ITPKB: variants seen among roughly 807,000 people sequenced by gnomAD.
ITPKB encodes the protein inositol-trisphosphate 3-kinase B.
A neutral mutation model predicts 69.4 loss-of-function variants in ITPKB; 13 were observed. The observed-to-expected ratio is 0.19, with a 90% CI of 0.12 to 0.30. The LOEUF is 0.30. ITPKB is among the 10% of genes least tolerant of loss of function. The probability of loss-of-function intolerance (pLI) is 1.00; values close to 1 mark genes in which losing one functional copy is unlikely to be tolerated. For missense variants in ITPKB, 1,240 were observed against 1,250.5 expected (o/e 0.99, Z 0.13); for synonymous variants, 584 against 513.7 (o/e 1.14, Z -1.85).
intron 2 of ITPKB, among the ~76,000 whole-genome samples, chr1:226,725,654 C>A (rs139647655): frequency 6.6e-6 from 1 of 152,226 alleles, no homozygotes; most frequent in African/African-American, 2.4e-5. Context: ...AGCATGAGAC[C>A]CCTGCTTTGG....
intron 2 of ITPKB, among the ~76,000 whole-genome samples, chr1:226,660,215 T>A (rs1043193686): frequency 1.3e-5 from 2 of 152,232 alleles, no homozygotes. Flanking sequence ...CAATCTGTGA[T>A]GCCCTTGCTG....
intron 2 of ITPKB, among the ~76,000 whole-genome samples, chr1:226,704,210 A>G (rs1018439632): frequency 6.6e-6 from 1 of 152,212 alleles, no homozygotes; most frequent in Non-Finnish European, 1.5e-5. Context: ...AAGAATATAA[A>G]CATTAATAGT....
At chr1:226,719,652 A>G (rs1237433560) in intron 2 of ITPKB, among the ~76,000 whole-genome samples, 1 of 152,230 alleles carries the variant, frequency 6.6e-6, no homozygotes, top group Non-Finnish European at 1.5e-5. Context: ...TTAGGTGCTG[A>G]CATTATAAGC....
rs17522524 is a variant in ITPKB, at chr1:226,642,289, T to C, written c.2247-164A>G. Among the ~76,000 whole-genome samples, 13,962 of 151,898 alleles carry C rather than the reference T, an allele frequency of 0.092. 721 individuals are homozygous for C. The highest frequency in any genetic ancestry group is 0.16 in the East Asian group (808 of 5,160). On this transcript the variant is annotated intron_variant, in intron 4 of 7. Transcript: ENST00000429204. This position sits in a 1 kb window ranked among gnomAD's most constrained non-coding sequence, Gnocchi z 6.4. ...ACGTCTTTCCGAGGGGACGGCAGAC[T>C]CTGTTCCAGCTGGGGCTGGCTCTAA...
chr1:226,719,489 T>G (rs1657175769), intron 2 of ITPKB, among the ~76,000 whole-genome samples: 1 of 152,186 alleles, frequency 6.6e-6, no homozygotes, highest in Non-Finnish European at 1.5e-5. Context: ...ACCCTTCACC[T>G]CTATCACCTA....
chr1:226,698,165 GTTTGA>G (rs144663558), intron 2 of ITPKB, among the ~76,000 whole-genome samples: 2,920 of 152,338 alleles, frequency 0.019, 103 homozygotes, highest in African/African-American at 0.067. Context: ...CAGAAGCTCT[GTTTGA>G]TTTATCTTTT....
chr1:226,690,364 G>C (rs1656319452), intron 2 of ITPKB, among the ~76,000 whole-genome samples: 1 of 152,122 alleles, frequency 6.6e-6, no homozygotes, highest in Admixed American at 6.5e-5. Flanking sequence ...AGACAACCAG[G>C]CTCAGAAAAG....
intron 2 of ITPKB, among the ~76,000 whole-genome samples, chr1:226,730,681 C>A (rs971286103): frequency 2.6e-5 from 4 of 152,102 alleles, no homozygotes; most frequent in Admixed American, 6.6e-5. Flanking sequence ...ATATAAAATT[C>A]TTTCCATTAA....
At chr1:226,724,136 T>C (rs964160973) in intron 2 of ITPKB, among the ~76,000 whole-genome samples, 4 of 152,046 alleles carry the variant, frequency 2.6e-5, no homozygotes, top group Non-Finnish European at 5.9e-5. Context: ...ATTATCCTCA[T>C]GTTAGAGATG....
At chr1:226,655,934 C>T (rs1326079862) in intron 2 of ITPKB, among the ~76,000 whole-genome samples, 1 of 152,242 alleles carries the variant, frequency 6.6e-6, no homozygotes, top group South Asian at 2.1e-4. Flanking sequence ...CTGCAGCGCA[C>T]CCGGGCTCAT....
chr1:226,725,332 C>T (rs1260108988), intron 2 of ITPKB, among the ~76,000 whole-genome samples: 1 of 151,900 alleles, frequency 6.6e-6, no homozygotes, highest in African/African-American at 2.4e-5. Flanking sequence ...GCAAAGTGCA[C>T]TTCTCAAAGT....
chr1:226,721,786 C>T (rs2102644079), intron 2 of ITPKB, among the ~76,000 whole-genome samples: 1 of 151,732 alleles, frequency 6.6e-6, no homozygotes, highest in South Asian at 2.1e-4. Context: ...TGAGCCACCG[C>T]ACCTGGCCTT....
intron 2 of ITPKB, among the ~76,000 whole-genome samples, chr1:226,666,583 C>T (rs573732015): frequency 1.3e-5 from 2 of 152,112 alleles, no homozygotes; most frequent in Admixed American, 6.5e-5. Flanking sequence ...ACAGCTAAGG[C>T]GATTCTGGAA....
At chr1:226,667,853 T>TGTGTGTGC (rs1491424205) in intron 2 of ITPKB, among the ~76,000 whole-genome samples, 5 of 141,666 alleles carry the variant, frequency 3.5e-5, no homozygotes, top group African/African-American at 1.1e-4. Context: ...TGTGTGTGTG[T>TGTGTGTGC]GCGCGCGCGC....
At chr1:226,696,302 C>G (rs1390905309) in intron 2 of ITPKB, among the ~76,000 whole-genome samples, 1 of 151,178 alleles carries the variant, frequency 6.6e-6, no homozygotes, top group Non-Finnish European at 1.5e-5. Context: ...CATATATATA[C>G]ACATATATAG....
chr1:226,718,621 A>G (rs1300622063), intron 2 of ITPKB, among the ~76,000 whole-genome samples: 1 of 152,142 alleles, frequency 6.6e-6, no homozygotes, highest in Admixed American at 6.5e-5. Flanking sequence ...ACAAAACAAA[A>G]CAAGACACAG....
chr1:226,674,892 C>T (rs918776897), intron 2 of ITPKB: 1 of 152,256 alleles, frequency 6.6e-6, no homozygotes, highest in African/African-American at 2.4e-5. Context: ...TACCCACAAG[C>T]GTTCAGCGGA....
intron 5 of ITPKB, among the ~76,000 whole-genome samples, chr1:226,640,398 C>T (rs1044622200): frequency 1.1e-4 from 16 of 152,218 alleles, no homozygotes; most frequent in Admixed American, 9.2e-4. Context: ...CAGCTGTGTC[C>T]TCACTGTGGC....
intron 2 of ITPKB, among the ~76,000 whole-genome samples, chr1:226,712,663 C>A (rs1341976955): frequency 6.6e-6 from 1 of 152,212 alleles, no homozygotes; most frequent in East Asian, 1.9e-4. Context: ...CTTGTTCAGG[C>A]CCGTCTGTCT....
Sources: gnomAD v4.1 joint callset for allele counts (sites outside exome capture counted in the v4.1 genomes callset) on GRCh38, gnomAD v4.1.1 for gene constraint, Gnocchi (gnomAD v3.1) non-coding constraint, MANE v1.5 for transcripts, NCBI Gene and HGNC (gene_info 2026-07-23, HGNC 2026-07-21) for gene names.